The following BMPR1B variants were observed in gnomAD, a reference collection of about 807,000 sequenced individuals.
BMPR1B encodes the protein bone morphogenetic protein receptor type-1B.
Under a neutral mutation model 59.1 loss-of-function variants are expected in BMPR1B, and 12 were observed. The ratio of observed to expected loss-of-function variants is 0.20; its 90% CI spans 0.13 to 0.33. The LOEUF (loss-of-function observed/expected upper bound fraction) is 0.33, where lower values mean the gene tolerates loss of function less well. BMPR1B is among the 10% of genes least tolerant of loss of function. The probability of loss-of-function intolerance (pLI) is 1.00; values close to 1 mark genes in which losing one functional copy is unlikely to be tolerated. For missense variants in BMPR1B, 550 were observed against 610.9 expected (o/e 0.90, Z 1.05); for synonymous variants, 237 against 207.3 (o/e 1.14, Z -1.23).
At chr4:95,146,009 C>T (rs1734614308) in intron 10 of BMPR1B, among the ~76,000 whole-genome samples, 1 of 152,148 alleles carries the variant, frequency 6.6e-6, no homozygotes, top group African/African-American at 2.4e-5. Context: ...CATTATTTTC[C>T]TGTCATGTGC....
chr4:94,982,672 A>G (rs1017052360), intron 2 of BMPR1B, among the ~76,000 whole-genome samples: 3 of 152,104 alleles, frequency 2.0e-5, no homozygotes, highest in African/African-American at 7.2e-5. Context: ...CTTATTTGAC[A>G]TCATCATGTG....
chr4:95,147,816 C>T (rs888504216), intron 10 of BMPR1B, among the ~76,000 whole-genome samples: 1 of 152,062 alleles, frequency 6.6e-6, no homozygotes, highest in Non-Finnish European at 1.5e-5. Flanking sequence ...TTGTACATGT[C>T]ATCTCATTTA....
intron 3 of BMPR1B, among the ~76,000 whole-genome samples, chr4:95,000,118 CTT>C (rs1208411327): frequency 1.3e-5 from 2 of 152,068 alleles, no homozygotes; most frequent in African/African-American, 2.4e-5. Context: ...TTTGGAGTGA[CTT>C]ATAGTTTTCT....
chr4:95,038,826 A>T (rs775354747), intron 3 of BMPR1B, among the ~76,000 whole-genome samples: 1 of 152,184 alleles, frequency 6.6e-6, no homozygotes, highest in Non-Finnish European at 1.5e-5. Flanking sequence ...CAGAGAGGAA[A>T]TTATGGTGAC....
chr4:94,945,984 T>C (rs1305614911), intron 2 of BMPR1B, among the ~76,000 whole-genome samples: 1 of 152,194 alleles, frequency 6.6e-6, no homozygotes, highest in Non-Finnish European at 1.5e-5. Flanking sequence ...TTTTCAGGGA[T>C]ATTTAAAATT....
chr4:94,793,920 C>G (rs1355871520), intron 1 of BMPR1B, among the ~76,000 whole-genome samples: 2 of 149,058 alleles, frequency 1.3e-5, no homozygotes, highest in African/African-American at 4.9e-5. Flanking sequence ...GGATATTAGC[C>G]CTTTGTCAGA....
intron 2 of BMPR1B, among the ~76,000 whole-genome samples, chr4:94,927,670 T>C (rs529347181): frequency 4.3e-4 from 66 of 152,218 alleles, no homozygotes; most frequent in Non-Finnish European, 7.9e-4. Context: ...AACTGCCATG[T>C]TATGGATCTT....
At chr4:95,140,304 G>C (rs1231223612) in intron 10 of BMPR1B, among the ~76,000 whole-genome samples, 6 of 152,224 alleles carry the variant, frequency 3.9e-5, no homozygotes, top group Non-Finnish European at 1.5e-5. Context: ...TGGAACACAG[G>C]ATGAAGGAAA....
intron 1 of BMPR1B, among the ~76,000 whole-genome samples, chr4:94,843,554 T>C (rs1205534997): frequency 1.3e-5 from 2 of 152,204 alleles, no homozygotes; most frequent in African/African-American, 4.8e-5. Flanking sequence ...CTTGTTGTAT[T>C]GGTCATAATA....
chr4:94,802,486 A>T (rs976157814), intron 1 of BMPR1B, among the ~76,000 whole-genome samples: 1 of 152,178 alleles, frequency 6.6e-6, no homozygotes, highest in African/African-American at 2.4e-5. Context: ...AATAAGGTAA[A>T]AATAGAGAAG....
At chr4:95,113,582 G>T (rs1476797451) in intron 4 of BMPR1B, among the ~76,000 whole-genome samples, 1 of 152,058 alleles carries the variant, frequency 6.6e-6, no homozygotes, top group Non-Finnish European at 1.5e-5. Flanking sequence ...TATGAGAAAA[G>T]GATAGAGATA....
At chr4:94,806,133 G>A (rs986981265) in intron 1 of BMPR1B, among the ~76,000 whole-genome samples, 4 of 152,150 alleles carry the variant, frequency 2.6e-5, no homozygotes, top group Admixed American at 6.5e-5. Flanking sequence ...TTTAATTCAA[G>A]ACAGCTAGTC....
At chr4:94,975,457 G>A (rs1220247838) in intron 2 of BMPR1B, among the ~76,000 whole-genome samples, 1 of 145,030 alleles carries the variant, frequency 6.9e-6, no homozygotes, top group African/African-American at 2.5e-5. Flanking sequence ...TCCCTTCCTG[G>A]GCTCAGGTGA....
intron 6 of BMPR1B, among the ~76,000 whole-genome samples, chr4:95,117,567 G>T (rs779283064): frequency 6.6e-6 from 1 of 151,930 alleles, no homozygotes; most frequent in Non-Finnish European, 1.5e-5. Context: ...AAGATCGCCT[G>T]GGCCCAGAAG....
At chr4:94,917,914 G>T (rs545033069) in intron 2 of BMPR1B, among the ~76,000 whole-genome samples, 162 of 152,208 alleles carry the variant, frequency 1.1e-3, no homozygotes, top group African/African-American at 3.5e-3. Context: ...ACTTGATGCT[G>T]TCTTCCTGAT....
At chr4:94,889,537 CAAAT>C (rs1727308472) in intron 2 of BMPR1B, among the ~76,000 whole-genome samples, 1 of 152,080 alleles carries the variant, frequency 6.6e-6, no homozygotes, top group African/African-American at 2.4e-5. Context: ...TTATCAAAAA[CAAAT>C]AAAAGGTGTT....
intron 2 of BMPR1B, among the ~76,000 whole-genome samples, chr4:94,957,329 T>A (rs971145786): frequency 7.3e-6 from 1 of 136,800 alleles, no homozygotes; most frequent in Non-Finnish European, 1.6e-5. Flanking sequence ...ACCTCCTGTT[T>A]CGTGTTTTTT....
chr4:94,770,883 C>G (rs1011971335), intron 1 of BMPR1B, among the ~76,000 whole-genome samples: 2 of 106,896 alleles, frequency 1.9e-5, no homozygotes, highest in African/African-American at 7.1e-5. Flanking sequence ...ACATGATTAG[C>G]CCTGCAAAAA....
At chr4:94,809,855 A>G (rs1349251178) in intron 1 of BMPR1B, among the ~76,000 whole-genome samples, 1 of 152,254 alleles carries the variant, frequency 6.6e-6, no homozygotes. Flanking sequence ...CAAAAGTAGT[A>G]GAGTCCAGCA....
Sources: allele counts gnomAD v4.1 joint callset (sites outside exome capture counted in the v4.1 genomes callset), GRCh38; gene constraint gnomAD v4.1.1; transcripts MANE v1.5; gene names NCBI Gene and HGNC (gene_info 2026-07-23, HGNC 2026-07-21).